The following NCALD variants were observed in gnomAD, a reference collection of about 807,000 sequenced individuals.
The protein encoded by NCALD is neurocalcin delta.
Under a neutral mutation model 18.6 loss-of-function variants are expected in NCALD, and 10 were observed. The observed-to-expected ratio is 0.54, with a 90% CI of 0.33 to 0.91. The LOEUF (loss-of-function observed/expected upper bound fraction) is 0.91, where lower values mean the gene tolerates loss of function less well. Ranked by LOEUF, NCALD falls within the 40% of genes least tolerant of loss-of-function variation. The probability of loss-of-function intolerance (pLI) is 0.03; values close to 1 mark genes in which losing one functional copy is unlikely to be tolerated. For missense variants in NCALD, 184 were observed against 247.6 expected (o/e 0.74, Z 1.72); for synonymous variants, 88 against 87.4 (o/e 1.01, Z -0.04).
At chr8:101,810,931 T>C (rs1449684389) in intron 4 of NCALD, among the ~76,000 whole-genome samples, 1 of 152,174 alleles carries the variant, frequency 6.6e-6, no homozygotes, top group Non-Finnish European at 1.5e-5. Flanking sequence ...AAAGCATAAC[T>C]ATCCGCTCCT....
chr8:101,717,470 T>G (rs1816140205), intron 2 of NCALD, among the ~76,000 whole-genome samples: 1 of 151,848 alleles, frequency 6.6e-6, no homozygotes, highest in Non-Finnish European at 1.5e-5. Context: ...GGGACGGGAT[T>G]CAGCTAAGAA....
chr8:102,018,067 A>G (rs935574454), intron 2 of NCALD, among the ~76,000 whole-genome samples: 4 of 152,238 alleles, frequency 2.6e-5, no homozygotes, highest in Non-Finnish European at 5.9e-5. Flanking sequence ...CTAAAATTAC[A>G]AACAATGATA....
intron 1 of NCALD, among the ~76,000 whole-genome samples, chr8:102,068,261 G>T (rs1396145695): frequency 6.6e-6 from 1 of 152,126 alleles, no homozygotes; most frequent in Non-Finnish European, 1.5e-5. Context: ...CTCCTTGGCT[G>T]CCCAGTGCAC....
intron 4 of NCALD, among the ~76,000 whole-genome samples, chr8:101,870,183 T>C (rs540638096): frequency 1.3e-5 from 2 of 152,348 alleles, no homozygotes; most frequent in East Asian, 3.9e-4. Flanking sequence ...TTACTTCACA[T>C]ACTTAAAAAT....
chr8:101,739,136 C>T (rs1415491200), intron 1 of NCALD, among the ~76,000 whole-genome samples: 1 of 152,064 alleles, frequency 6.6e-6, no homozygotes, highest in Non-Finnish European at 1.5e-5. Flanking sequence ...ATATCACCCC[C>T]TATGTCCTCA....
intron 2 of NCALD, among the ~76,000 whole-genome samples, chr8:101,999,788 C>CA (rs562234634): frequency 0.03 from 4,509 of 148,456 alleles, 107 homozygotes; most frequent in East Asian, 0.094. Context: ...TTTGCAATTA[C>CA]AAAAAAAAAA....
chr8:101,776,385 C>T (rs1001985968), intron 1 of NCALD, among the ~76,000 whole-genome samples: 1 of 152,164 alleles, frequency 6.6e-6, no homozygotes, highest in Admixed American at 6.5e-5. Flanking sequence ...AATAGAATAA[C>T]ACATCTAAAA....
chr8:101,920,276 C>G (rs769238562), intron 2 of NCALD, among the ~76,000 whole-genome samples: 7 of 152,068 alleles, frequency 4.6e-5, no homozygotes, highest in Non-Finnish European at 8.8e-5. Context: ...AAAAAGAAAA[C>G]AGTTTGGAGA....
intron 2 of NCALD, among the ~76,000 whole-genome samples, chr8:101,969,985 CCA>C (rs1293978364): frequency 6.6e-5 from 10 of 152,108 alleles, no homozygotes; most frequent in Non-Finnish European, 1.3e-4. Context: ...TTTAGCTTAG[CCA>C]TTTAGGTACA....
chr8:101,944,391 G>A (rs566210767), intron 2 of NCALD, among the ~76,000 whole-genome samples: 26 of 152,346 alleles, frequency 1.7e-4, no homozygotes, highest in Non-Finnish European at 4.4e-5. Context: ...AGAAAGGAGA[G>A]TGGCAGAGAA....
intron 2 of NCALD, among the ~76,000 whole-genome samples, chr8:101,695,064 C>A (rs1814927974): frequency 6.6e-6 from 1 of 152,104 alleles, no homozygotes; most frequent in African/African-American, 2.4e-5. Flanking sequence ...CATGCACACC[C>A]CTCACATACA....
intron 1 of NCALD, among the ~76,000 whole-genome samples, chr8:101,724,064 C>T (rs16868233): frequency 0.011 from 1,715 of 152,254 alleles, 41 homozygotes; most frequent in African/African-American, 0.037. Context: ...TAAGAAATTA[C>T]GTATATGTGA....
At chr8:102,036,506 G>A (rs1822869903) in intron 1 of NCALD, among the ~76,000 whole-genome samples, 1 of 152,116 alleles carries the variant, frequency 6.6e-6, no homozygotes, top group Non-Finnish European at 1.5e-5. Flanking sequence ...CGGGTATGGT[G>A]GCTCACGCCT....
intron 4 of NCALD, among the ~76,000 whole-genome samples, chr8:101,807,896 A>G (rs984741168): frequency 6.6e-6 from 1 of 152,220 alleles, no homozygotes; most frequent in African/African-American, 2.4e-5. Flanking sequence ...AAAGAAGAGC[A>G]TCATAAAACT....
At chr8:102,083,532 T>A (rs1016971120) in intron 1 of NCALD, among the ~76,000 whole-genome samples, 7 of 152,166 alleles carry the variant, frequency 4.6e-5, no homozygotes, top group African/African-American at 1.4e-4. Context: ...TTTAACTTTT[T>A]AAAAAATTAG....
chr8:101,867,621 C>T (rs1164961971), intron 4 of NCALD, among the ~76,000 whole-genome samples: 6 of 152,092 alleles, frequency 3.9e-5, no homozygotes, highest in Non-Finnish European at 8.8e-5. Context: ...AATTTGTAGG[C>T]TTTATTTTTT....
At chr8:101,863,231 T>C (rs920361361) in intron 4 of NCALD, among the ~76,000 whole-genome samples, 8 of 152,286 alleles carry the variant, frequency 5.3e-5, no homozygotes, top group Non-Finnish European at 7.4e-5. Context: ...TAGAGGAAGA[T>C]TGGAGCCCAT....
At chr8:101,864,572 T>C (rs1193270712) in intron 4 of NCALD, among the ~76,000 whole-genome samples, 1 of 151,662 alleles carries the variant, frequency 6.6e-6, no homozygotes. Flanking sequence ...CTGATAGGAT[T>C]GTTCCAATTT....
intron 2 of NCALD, among the ~76,000 whole-genome samples, chr8:101,994,153 A>G (rs181867437): frequency 6.6e-6 from 1 of 152,296 alleles, no homozygotes; most frequent in Non-Finnish European, 1.5e-5. Flanking sequence ...TGCCTTCAGT[A>G]TGTATAACTT....
Sources: allele counts gnomAD v4.1 joint callset (sites outside exome capture counted in the v4.1 genomes callset), GRCh38; gene constraint gnomAD v4.1.1; transcripts MANE v1.5; gene names NCBI Gene and HGNC (gene_info 2026-07-23, HGNC 2026-07-21).